The following OR56B2 variants were observed in gnomAD, a reference collection of about 807,000 sequenced individuals.
OR56B2 encodes olfactory receptor family 56 subfamily B member 2, also known as olfactory receptor 56B2.
chr11:5,761,194 A>G, the OR56B2 span: 1 of 152,206 alleles, frequency 6.6e-6, no homozygotes, highest in African/African-American at 2.4e-5. Context: ...AGCTCTGGGT[A>G]TACTGAAGAT....
the OR56B2 span, among the ~76,000 whole-genome samples, chr11:5,768,915 G>A: frequency 7.5e-6 from 1 of 133,832 alleles, no homozygotes; most frequent in South Asian, 2.4e-4. Flanking sequence ...TTATCCAAAC[G>A]TTTGTCAAAA....
chr11:5,765,720 C>T, the OR56B2 span: 1 of 140,026 alleles, frequency 7.1e-6, no homozygotes, highest in African/African-American at 2.6e-5. Context: ...TAACCAGGTC[C>T]TTTTGGCTTG....
chr11:5,762,837 A>G, the OR56B2 span, among the ~76,000 whole-genome samples: 4 of 152,126 alleles, frequency 2.6e-5, no homozygotes, highest in Admixed American at 6.5e-5. Flanking sequence ...ATACTTTACC[A>G]TAACCATACT....
chr11:5,764,389 T>C, the OR56B2 span, among the ~76,000 whole-genome samples: 4 of 140,402 alleles, frequency 2.8e-5, 2 homozygotes, highest in African/African-American at 1.0e-4. Flanking sequence ...AAACCAAAAA[T>C]ATACGCAAGT....
At chr11:5,766,922 A>T in the OR56B2 span, 2 of 140,086 alleles carry the variant, frequency 1.4e-5, 1 homozygote, top group African/African-American at 5.2e-5. Flanking sequence ...AAAAACCTGT[A>T]CACAAATGTT....
the OR56B2 span, among the ~76,000 whole-genome samples, chr11:5,769,046 CATT>C: frequency 7.2e-6 from 1 of 139,210 alleles, no homozygotes; most frequent in African/African-American, 2.6e-5. Context: ...TAAAAACAAA[CATT>C]TTTCTTCTAA....
At chr11:5,764,121 G>T in the OR56B2 span, among the ~76,000 whole-genome samples, 1 of 140,708 alleles carries the variant, frequency 7.1e-6, no homozygotes, top group Non-Finnish European at 1.6e-5. Context: ...AAGGAAAGAA[G>T]AAATAAATAG....
At chr11:5,762,561 G>A in the OR56B2 span, among the ~76,000 whole-genome samples, 1 of 151,660 alleles carries the variant, frequency 6.6e-6, no homozygotes, top group African/African-American at 2.4e-5. Flanking sequence ...AACTCCTTTG[G>A]TACAAATATA....
At chr11:5,768,910 C>T in the OR56B2 span, among the ~76,000 whole-genome samples, 10 of 133,746 alleles carry the variant, frequency 7.5e-5, 2 homozygotes, top group Non-Finnish European at 1.5e-4. Flanking sequence ...TGATGTTATC[C>T]AAACGTTTGT....
the OR56B2 span, among the ~76,000 whole-genome samples, chr11:5,761,550 T>C: frequency 2.3e-4 from 35 of 152,228 alleles, no homozygotes; most frequent in Non-Finnish European, 4.3e-4. Flanking sequence ...CATATTTTAT[T>C]TTATTAGATA....
chr11:5,762,737 TAAA>T, the OR56B2 span, among the ~76,000 whole-genome samples: 6 of 151,776 alleles, frequency 4.0e-5, no homozygotes, highest in South Asian at 2.1e-4. Context: ...TATGTATTAA[TAAA>T]AAAAGACAAA....
the OR56B2 span, among the ~76,000 whole-genome samples, chr11:5,767,764 G>A: frequency 7.2e-6 from 1 of 139,292 alleles, no homozygotes; most frequent in African/African-American, 2.6e-5. Context: ...CAGCATACAT[G>A]AACTTTGAAA....
chr11:5,763,350 G>A, the OR56B2 span, among the ~76,000 whole-genome samples: 1 of 142,414 alleles, frequency 7.0e-6, no homozygotes, highest in Admixed American at 7.1e-5. Context: ...TTTCACTCTT[G>A]TTGCCCAGGC....
At chr11:5,765,448 T>C in the OR56B2 span, 1 of 141,040 alleles carries the variant, frequency 7.1e-6, no homozygotes, top group East Asian at 2.1e-4. Context: ...TTTGTGGCCA[T>C]GGAATCAAGT....
At chr11:5,764,887 C>T in the OR56B2 span, among the ~76,000 whole-genome samples, 1 of 139,218 alleles carries the variant, frequency 7.2e-6, no homozygotes, top group Non-Finnish European at 1.6e-5. Context: ...AAAAATATGA[C>T]CTACCTTATA....
chr11:5,766,433 T>C, the OR56B2 span: 1 of 140,792 alleles, frequency 7.1e-6, no homozygotes, highest in African/African-American at 2.6e-5. Context: ...TTACATTTGA[T>C]GTAATAATTG....
At chr11:5,765,553 AC>A in the OR56B2 span, 13 of 139,944 alleles carry the variant, frequency 9.3e-5, 2 homozygotes, top group South Asian at 2.4e-4. Flanking sequence ...TTCAAAGCAA[AC>A]GGGTTCATGG....
chr11:5,761,423 AC>A, the OR56B2 span, among the ~76,000 whole-genome samples: 3 of 152,184 alleles, frequency 2.0e-5, no homozygotes, highest in African/African-American at 7.2e-5. Context: ...ACTTTATGGA[AC>A]CTAATACAAC....
the OR56B2 span, among the ~76,000 whole-genome samples, chr11:5,762,071 A>G: frequency 1.1e-4 from 16 of 152,260 alleles, no homozygotes; most frequent in Middle Eastern, 3.4e-3. Flanking sequence ...TCATCAATAT[A>G]TAAATATAAT....
Sources: allele counts gnomAD v4.1 joint callset (sites outside exome capture counted in the v4.1 genomes callset), GRCh38; gene constraint gnomAD v4.1.1; transcripts MANE v1.5; gene names NCBI Gene and HGNC (gene_info 2026-07-23, HGNC 2026-07-21).